Variants in SEMA3A observed in about 807,000 individuals in gnomAD.
SEMA3A encodes the protein semaphorin 3A.
SEMA3A carries 29 observed loss-of-function variants against 97.9 expected under a neutral mutation model. The ratio of observed to expected loss-of-function variants is 0.30; its 90% CI spans 0.22 to 0.40. The LOEUF (loss-of-function observed/expected upper bound fraction) is 0.40, where lower values mean the gene tolerates loss of function less well. Among genes scored for constraint, SEMA3A ranks in the 10% least tolerant of loss-of-function variants. SEMA3A has a pLI of 1.00. For missense variants in SEMA3A, 763 were observed against 951.3 expected, an observed-to-expected ratio of 0.80 and a Z score of 2.60; for synonymous variants, 321 against 323.7, an observed-to-expected ratio of 0.99 and a Z score of 0.09.
chr7:84,333,470 A>C lies in SEMA3A; in HGVS notation c.-168-26178T>G, dbSNP rs117644689. ...ATAGAAGAAACTAAAACAAGCAAAG[A>C]AACAACACGATGAGGTGAGGAGAGT... is the stretch of plus-strand genomic sequence containing the variant. On this transcript the variant is annotated intron_variant, in intron 2 of 3. Transcript: ENST00000424555. 5.2e-3 allele frequency among the ~76,000 whole-genome samples: 793 copies of C among 152,250 alleles called. 4 individuals are homozygous for C. Among genetic ancestry groups the C allele is most frequent in the Middle Eastern group, 0.034 (10 of 294 alleles).
chr7:84,190,036 A>G (rs1797994012), intron 1 of SEMA3A, among the ~76,000 whole-genome samples: 1 of 151,716 alleles, frequency 6.6e-6, no homozygotes, highest in Non-Finnish European at 1.5e-5. Flanking sequence ...TCTATTCAGT[A>G]TTCATATTTA....
chr7:84,482,864 G>GTTTT lies in SEMA3A; in HGVS notation c.-246+9592_-246+9595dup, dbSNP rs11396239. Reference sequence around the variant, plus strand: ...GTTACATGATAGACTCAAAATTCTAGTTTTTTTTTTTTTTTGGAGTGTAGT... The same window carrying GTTTT: ...GTTACATGATAGACTCAAAATTCTAGTTTTTTTTTTTTTTTTTTTGGAGTGTAGT... On this transcript the variant is annotated intron_variant, in intron 1 of 3. Coordinates refer to the SEMA3A transcript ENST00000424555. Among the ~76,000 whole-genome samples the GTTTT allele has an allele frequency of 3.2e-3, 443 of 139,826 alleles. 4 individuals are homozygous for GTTTT. Among genetic ancestry groups the GTTTT allele is most frequent in the East Asian group, 0.016 (77 of 4,750 alleles). 91.7% of individuals were successfully genotyped at this position (139,826 alleles called of 152,430 possible).
chr7:83,975,266 T>C (rs1323853233), intron 15 of SEMA3A, among the ~76,000 whole-genome samples: 12 of 152,096 alleles, frequency 7.9e-5, no homozygotes, highest in Admixed American at 7.9e-4. Context: ...AAGGGATCAC[T>C]AAACAAATGA....
intron 1 of SEMA3A, among the ~76,000 whole-genome samples, chr7:84,149,850 G>C (rs1276386090): frequency 6.6e-6 from 1 of 152,150 alleles, no homozygotes; most frequent in Non-Finnish European, 1.5e-5. Context: ...AATAACAAGG[G>C]TAAAATTTGC....
At chr7:84,371,332 A>T (rs552413545) in intron 2 of SEMA3A, among the ~76,000 whole-genome samples, 1 of 151,870 alleles carries the variant, frequency 6.6e-6, no homozygotes, top group Non-Finnish European at 1.5e-5. Flanking sequence ...GGAATTTAAG[A>T]CAATAAAATT....
chr7:84,167,732 A>G (rs1285719772), intron 1 of SEMA3A, among the ~76,000 whole-genome samples: 1 of 152,136 alleles, frequency 6.6e-6, no homozygotes, highest in East Asian at 1.9e-4. Context: ...AGAATTCCCA[A>G]TTTCTTCATT....
intron 2 of SEMA3A, among the ~76,000 whole-genome samples, chr7:84,323,099 G>A (rs1421653345): frequency 6.6e-6 from 1 of 152,160 alleles, no homozygotes; most frequent in East Asian, 1.9e-4. Context: ...CTATTTAAAT[G>A]AACATGATCA....
At chr7:84,129,675 A>T (rs1367744578) in intron 2 of SEMA3A, among the ~76,000 whole-genome samples, 3 of 151,930 alleles carry the variant, frequency 2.0e-5, no homozygotes, top group Non-Finnish European at 4.4e-5. Context: ...AACTGAAAGG[A>T]TTAAAAAAAT....
chr7:84,422,803 G>A (rs1001972100), intron 1 of SEMA3A, among the ~76,000 whole-genome samples: 3 of 152,024 alleles, frequency 2.0e-5, no homozygotes, highest in African/African-American at 7.2e-5. Flanking sequence ...AGGTTGTTCA[G>A]TTTCCATGAA....
intron 1 of SEMA3A, among the ~76,000 whole-genome samples, chr7:84,473,141 GGTGTGTGTGTGTGTGT>G (rs61623414): frequency 7.1e-6 from 1 of 141,442 alleles, no homozygotes; most frequent in Non-Finnish European, 1.5e-5. Context: ...AAAAAGAAAT[GGTGTGTGTGTGTGTGT>G]GTGTGTGTGT....
chr7:84,001,848 G>A, intron 12 of SEMA3A, 107 bp downstream of exon 12: 1 of 554,532 alleles, frequency 1.8e-6, no homozygotes, highest in Admixed American at 3.5e-5. Flanking sequence ...CTAATTAGAA[G>A]GGTATGTATG....
chr7:84,251,308 G>A (rs1244160680), intron 3 of SEMA3A, among the ~76,000 whole-genome samples: 1 of 152,172 alleles, frequency 6.6e-6, no homozygotes, highest in Admixed American at 6.5e-5. Flanking sequence ...GATCAAGAGA[G>A]CAGCTGGGCT....
At chr7:84,259,149 T>A (rs1799785177) in intron 3 of SEMA3A, among the ~76,000 whole-genome samples, 1 of 152,176 alleles carries the variant, frequency 6.6e-6, no homozygotes. Context: ...CATTAAAAAA[T>A]CCACATGTAT....
At chr7:83,966,211 T>A (rs1289808912) in intron 15 of SEMA3A, among the ~76,000 whole-genome samples, 2 of 152,126 alleles carry the variant, frequency 1.3e-5, no homozygotes, top group Non-Finnish European at 2.9e-5. Flanking sequence ...TATTAAAAAA[T>A]TATTTCATTT....
intron 1 of SEMA3A, among the ~76,000 whole-genome samples, chr7:84,417,964 C>T (rs571400789): frequency 2.0e-5 from 3 of 152,162 alleles, no homozygotes; most frequent in Non-Finnish European, 2.9e-5. Context: ...ACCAACCCTT[C>T]GAGGAAGAAT....
At chr7:84,229,948 G>A (rs1462513791) in intron 3 of SEMA3A, among the ~76,000 whole-genome samples, 2 of 151,766 alleles carry the variant, frequency 1.3e-5, no homozygotes, top group Admixed American at 6.6e-5. Flanking sequence ...CTTCTCAGAC[G>A]ACAAATTAAC....
At chr7:84,193,714 G>T (rs1798121108) in intron 1 of SEMA3A, among the ~76,000 whole-genome samples, 1 of 151,972 alleles carries the variant, frequency 6.6e-6, no homozygotes, top group Admixed American at 6.6e-5. Flanking sequence ...ACATTAAATT[G>T]TAACCAAATA....
At chr7:84,304,803 C>T (rs56309253) in intron 3 of SEMA3A, among the ~76,000 whole-genome samples, 4,695 of 152,010 alleles carry the variant, frequency 0.031, 154 homozygotes, top group Non-Finnish European at 0.036. Flanking sequence ...CTTAAAATAG[C>T]AAATTATATA....
intron 1 of SEMA3A, among the ~76,000 whole-genome samples, chr7:84,453,830 T>C (rs1805623657): frequency 6.6e-6 from 1 of 152,210 alleles, no homozygotes; most frequent in Non-Finnish European, 1.5e-5. Flanking sequence ...AAATATCACT[T>C]CAATAAATAA....
Sources: allele counts gnomAD v4.1 joint callset (sites outside exome capture counted in the v4.1 genomes callset), GRCh38; gene constraint gnomAD v4.1.1; transcripts MANE v1.5; gene names NCBI Gene and HGNC (gene_info 2026-07-23, HGNC 2026-07-21).